Variants in ZNF486 observed in about 807,000 individuals in gnomAD.
ZNF486 encodes the protein KRAB box only protein 2.
Under a neutral mutation model 12.8 loss-of-function variants are expected in ZNF486, and 12 were observed. The ratio of observed to expected loss-of-function variants is 0.94; its 90% CI spans 0.60 to 1.52. ZNF486 has a LOEUF of 1.52. Among genes scored for constraint, ZNF486 ranks in the 40% most tolerant of loss-of-function variants. The pLI is 0.00. For missense variants in ZNF486, 738 were observed against 545.0 expected (o/e 1.35, Z -3.53); for synonymous variants, 231 against 184.9 (o/e 1.25, Z -2.02).
chr19:20,184,017 A>G (rs1286529994), intron 1 of ZNF486, among the ~76,000 whole-genome samples: 2 of 152,214 alleles, frequency 1.3e-5, no homozygotes, highest in Non-Finnish European at 2.9e-5. Context: ...TTCTAACTCA[A>G]CATGTCTTTT....
At chr19:20,170,651 G>T (rs1451423690) in intron 1 of ZNF486, among the ~76,000 whole-genome samples, 2 of 152,082 alleles carry the variant, frequency 1.3e-5, no homozygotes, top group African/African-American at 4.8e-5. Context: ...AAAATGTGCA[G>T]TGTATGTCTG....
At chr19:20,183,153 A>G (rs111785906) in intron 1 of ZNF486, among the ~76,000 whole-genome samples, 15 of 152,346 alleles carry the variant, frequency 9.8e-5, no homozygotes, top group Admixed American at 2.6e-4. Flanking sequence ...TGCCATGCAG[A>G]ATTCTCAGCA....
chr19:20,178,119 G>T (rs2122643505), intron 1 of ZNF486, among the ~76,000 whole-genome samples: 1 of 149,588 alleles, frequency 6.7e-6, no homozygotes, highest in Non-Finnish European at 1.5e-5. Flanking sequence ...AGTAGAGATG[G>T]GTTTTACCAT....
In ZNF486 at chr19:20,167,374, T is replaced by C. The variant is rs1373634386; in HGVS notation, c.30+14T>C. 4 of 1,612,912 alleles carry C rather than the reference T, an allele frequency of 2.5e-6. No homozygotes were observed. The African/African-American group carries it at 4.0e-5, about 16-fold the overall frequency. ...AGCCTAGAAATGGTGAGAGTGCCCA[T>C]TGGACATCCTGAGAGAGGGGAGGGA... On this transcript the variant is annotated intron_variant, in intron 1 of 3. Coordinates refer to ENST00000335117, the MANE Select transcript of ZNF486 (RefSeq NM_052852.4).
intron 1 of ZNF486, among the ~76,000 whole-genome samples, chr19:20,177,641 G>A (rs948634196): frequency 3.3e-5 from 5 of 151,714 alleles, no homozygotes; most frequent in Non-Finnish European, 5.9e-5. Flanking sequence ...GCAATGGTGC[G>A]ATCTCAGCTC....
At chr19:20,191,882 A>G (rs1279161715) in intron 3 of ZNF486, among the ~76,000 whole-genome samples, 10 of 152,156 alleles carry the variant, frequency 6.6e-5, no homozygotes, top group Non-Finnish European at 1.2e-4. Context: ...TTTTTCTCTG[A>G]ATTTTCTATT....
intron 3 of ZNF486, chr19:20,188,523 A>C: frequency 2.5e-6 from 1 of 398,348 alleles, no homozygotes; most frequent in Non-Finnish European, 4.4e-6. Context: ...TCTTTATAAA[A>C]ATAATTTAAT....
rs1240396644 is a variant in ZNF486, at chr19:20,198,970, G to A, written c.*868G>A. 5 of 150,942 alleles carry A rather than the reference G, an allele frequency of 3.3e-5. No homozygotes were observed. Among genetic ancestry groups the A allele is most frequent in the African/African-American group, 1.2e-4 (5 of 40,454 alleles). The allele number at this position is 150,942 out of a possible 1,614,324, so 9.4% of individuals were successfully genotyped here. A position where few individuals can be genotyped will look rare whatever the true frequency, so the allele number is the denominator to read the frequency against. ...ACTACACCATAGAAATGTATGAAAT[G>A]TGACAAAGCCTTTATATGGTTGCCA... On this transcript the variant is annotated 3_prime_UTR_variant, in exon 4 of 4. Coordinates refer to ENST00000335117, the MANE Select transcript of ZNF486 (RefSeq NM_052852.4).
At chr19:20,171,923 A>G (rs1326181360) in intron 1 of ZNF486, among the ~76,000 whole-genome samples, 3 of 149,896 alleles carry the variant, frequency 2.0e-5, no homozygotes, top group African/African-American at 7.4e-5. Context: ...CTTTGTGTTC[A>G]TGTGTTCTTA....
intron 3 of ZNF486, among the ~76,000 whole-genome samples, chr19:20,189,399 T>A (rs2089881342): frequency 6.6e-6 from 1 of 152,178 alleles, no homozygotes; most frequent in Non-Finnish European, 1.5e-5. Flanking sequence ...ATAGATATAA[T>A]AAGTGAGGAA....
At chr19:20,167,999 C>T (rs1555713262) in intron 1 of ZNF486, among the ~76,000 whole-genome samples, 1 of 152,094 alleles carries the variant, frequency 6.6e-6, no homozygotes, top group African/African-American at 2.4e-5. Flanking sequence ...CCGGGATCAG[C>T]TTAGATTGTG....
chr19:20,184,321 C>G (rs782367140), intron 1 of ZNF486, 35 bp from the exon 2 acceptor site: 1 of 1,608,406 alleles, frequency 6.2e-7, no homozygotes, highest in Admixed American at 1.7e-5. Context: ...CCAACGGCGA[C>G]TTGGTGAAAA....
At position 20,184,439 on chromosome 19, in the gene ZNF486, T is replaced by A. The variant is rs782468487; in HGVS notation, c.114T>A (p.Tyr38Ter). The A allele has an allele frequency of 1.2e-6, 2 of 1,613,586 alleles. No individual in the cohort carries two copies. The highest frequency in any genetic ancestry group is 1.1e-5 in the South Asian group (1 of 91,048). The change falls in exon 2 of 4, where the codon TAT becomes TAA. Residue 38 changes from tyrosine (Y) to a stop codon, truncating the protein, a stop_gained. Transcript: ENST00000335117. LOFTEE classifies it high-confidence loss of function. Reference protein sequence around the residue: ...HCLDTAQQNLYRDVMLENYRH... With the variant: ...HCLDTAQQNL ...TGGACACTGCACAGCAGAATTTATA[T>A]AGGGATGTGATGTTAGAGAACTACA...
At chr19:20,194,465 G>A (rs190145430) in intron 3 of ZNF486, among the ~76,000 whole-genome samples, 10 of 152,284 alleles carry the variant, frequency 6.6e-5, no homozygotes, top group East Asian at 1.9e-4. Context: ...GGTGGCTCAC[G>A]TCTATAATCC....
In ZNF486 at chr19:20,198,146, TGCTGTTGTTTCCCAG is replaced by T. The variant is rs2089980340; in HGVS notation, c.*49_*63del. The stretch of plus-strand genomic sequence containing the variant: ...TTATTATTTTTTTGAGAGGTAATTC[TGCTGTTGTTTCCCAG>T]GCTGGAGTGCAATGGCATAATTTTG... On this transcript the variant is annotated 3_prime_UTR_variant, in exon 4 of 4. Transcript: ENST00000335117. The T allele has an allele frequency of 1.3e-6, 2 of 1,486,634 alleles. No individual in the cohort carries two copies. Among genetic ancestry groups the T allele is most frequent in the East Asian group, 4.9e-5 (2 of 40,570 alleles). The allele number at this position is 1,486,634 out of a possible 1,614,324, so 92.1% of individuals were successfully genotyped here.
At chr19:20,175,949 C>G (rs1270070158) in intron 1 of ZNF486, among the ~76,000 whole-genome samples, 1 of 150,002 alleles carries the variant, frequency 6.7e-6, no homozygotes, top group East Asian at 2.0e-4. Flanking sequence ...GGGCGGCTGG[C>G]CGGGCAGGGG....
Position 20,180,385 on chromosome 19 carries a change from G to GT in ZNF486, c.31-3970dup, listed in dbSNP as rs2089771473. On this transcript the variant is annotated intron_variant, in intron 1 of 3. Coordinates refer to ENST00000335117, the MANE Select transcript of ZNF486 (RefSeq NM_052852.4). ...GGCCATTAAAAAAATACGTGAAGCA[G>GT]TCATGGTTCCTACAGTCCAGAAACT... 7.9e-5 allele frequency among the ~76,000 whole-genome samples: 12 copies of GT among 152,196 alleles called. 1 individual carries two copies. In the South Asian group the frequency reaches 2.5e-3, roughly 32 times the overall value.
At chr19:20,174,704 A>G (rs2089686842) in intron 1 of ZNF486, among the ~76,000 whole-genome samples, 1 of 152,230 alleles carries the variant, frequency 6.6e-6, no homozygotes, top group African/African-American at 2.4e-5. Context: ...AATAGTATGA[A>G]TATAAAGCCA....
At chr19:20,183,303 G>T (rs2089806292) in intron 1 of ZNF486, among the ~76,000 whole-genome samples, 1 of 152,178 alleles carries the variant, frequency 6.6e-6, no homozygotes. Context: ...GGCTTCATCT[G>T]TATGTTCCAT....
Sources: allele counts gnomAD v4.1 joint callset (sites outside exome capture counted in the v4.1 genomes callset), GRCh38; gene constraint gnomAD v4.1.1; transcripts MANE v1.5; gene names NCBI Gene and HGNC (gene_info 2026-07-23, HGNC 2026-07-21).